Variants in USP34 observed in about 807,000 individuals in gnomAD.
USP34 encodes ubiquitin specific peptidase 34.
Under a neutral mutation model 460.3 loss-of-function variants are expected in USP34, and 70 were observed. The ratio of observed to expected loss-of-function variants is 0.15; its 90% CI spans 0.13 to 0.19. The LOEUF (loss-of-function observed/expected upper bound fraction) is 0.19, where lower values mean the gene tolerates loss of function less well. Ranked by LOEUF, USP34 falls within the 10% of genes least tolerant of loss-of-function variation. USP34 has a pLI of 1.00. For synonymous variants in USP34, 1,647 were observed against 1,405.3 expected (o/e 1.17, Z -3.85); for missense variants, 3,985 against 4,236.2 (o/e 0.94, Z 1.65).
chr2:61,242,659 T>C (rs1688302414), intron 51 of USP34, among the ~76,000 whole-genome samples: 1 of 152,062 alleles, frequency 6.6e-6, no homozygotes, highest in Non-Finnish European at 1.5e-5. Flanking sequence ...AATTTAGTGG[T>C]GGGGCTTCTG....
chr2:61,334,001 T>G (rs756027590), intron 18 of USP34, 30 bp from the exon 19 acceptor site: 8 of 1,461,040 alleles, frequency 5.5e-6, no homozygotes, highest in Non-Finnish European at 7.4e-6. Flanking sequence ...CACAAAATAA[T>G]TTTAGTAATT....
chr2:61,394,676 C>G (rs1366575234), intron 5 of USP34, among the ~76,000 whole-genome samples, 177 bp downstream of exon 5: 1 of 151,606 alleles, frequency 6.6e-6, no homozygotes, highest in Non-Finnish European at 1.5e-5. Context: ...TAATTTTATT[C>G]AAATTCTAAT....
chr2:61,408,115 AAAAAAAT>A (rs1693935025), intron 2 of USP34, among the ~76,000 whole-genome samples: 1 of 152,120 alleles, frequency 6.6e-6, no homozygotes, highest in African/African-American at 2.4e-5. Flanking sequence ...ATTCTGTCAC[AAAAAAAT>A]AAAAAATAAA....
chr2:61,455,039 G>C (rs559825696), intron 1 of USP34, among the ~76,000 whole-genome samples: 1 of 151,812 alleles, frequency 6.6e-6, no homozygotes, highest in African/African-American at 2.4e-5. Context: ...ACGCCACAAT[G>C]CTAAGCTAAT....
chr2:61,308,163 A>G (rs375065670), intron 27 of USP34, among the ~76,000 whole-genome samples: 2 of 152,308 alleles, frequency 1.3e-5, no homozygotes, highest in South Asian at 2.1e-4. Context: ...AATATGTGCT[A>G]AAAGAGAAAA....
chr2:61,224,073 A>G (rs1687664479), intron 62 of USP34, among the ~76,000 whole-genome samples: 1 of 152,220 alleles, frequency 6.6e-6, no homozygotes. Context: ...TGCCTAAATG[A>G]ATAATTCCGC....
rs1288138642 is a variant in USP34 at position 61,195,226 on chromosome 2, T to C, written c.9509-2246A>G. Among the ~76,000 whole-genome samples, 5 of 151,652 alleles carry C rather than the reference T, an allele frequency of 3.3e-5. No homozygotes were observed. In the East Asian group the frequency reaches 9.8e-4, roughly 30 times the overall value. ...CAGAGCAAACTCTCTCAAAAAGTTT[T>C]GTAGAAATGGGGTCTTGCCATGTTG... On this transcript the variant is annotated intron_variant, in intron 75 of 79. Coordinates refer to ENST00000398571, the MANE Select transcript of USP34 (RefSeq NM_014709.4).
At chr2:61,222,535 T>C (rs1204960708) in intron 65 of USP34, 84 bp downstream of exon 65, 34 of 1,098,014 alleles carry the variant, frequency 3.1e-5, no homozygotes. Flanking sequence ...ATAAATTTGT[T>C]CTCGAGAACA....
rs531160450 is a variant in USP34, at chr2:61,214,675, C to T, written c.8067G>A (p.Val2689=). Residue 2689 remains valine, a synonymous_variant, in exon 68 of 80, where the codon GTG becomes GTA. Coordinates refer to ENST00000398571, the MANE Select transcript of USP34 (RefSeq NM_014709.4). ...RVRTSAAYLL[V]SLIPSNSFRQ... is the part of the protein sequence containing the mutation. Reference sequence around the variant, plus strand: ...GGAATGAATTGCTTGGTATAAGGGACACCAGAAGATAAGCTGCAGCTATAA... The same window carrying T: ...GGAATGAATTGCTTGGTATAAGGGATACCAGAAGATAAGCTGCAGCTATAA... 2 of 1,613,660 alleles carry T rather than the reference C, an allele frequency of 1.2e-6. No homozygotes were observed. Among genetic ancestry groups the T allele is most frequent in the Non-Finnish European group, 1.7e-6 (2 of 1,179,856 alleles).
chr2:61,439,188 G>C (rs1182769397), intron 1 of USP34, among the ~76,000 whole-genome samples: 1 of 152,194 alleles, frequency 6.6e-6, no homozygotes, highest in East Asian at 1.9e-4. Flanking sequence ...GAGTTGGGAC[G>C]ATTACTTGAG....
chr2:61,419,283 A>C (rs1281507161), intron 2 of USP34, among the ~76,000 whole-genome samples: 3 of 151,704 alleles, frequency 2.0e-5, no homozygotes, highest in Non-Finnish European at 2.9e-5. Flanking sequence ...GCCTCTCAAA[A>C]GTGAGAGGCA....
chr2:61,187,567 A>T lies in USP34; in HGVS notation c.*535T>A. ...ATTATTTTTACATCAAGTGTGCTTT[A>T]TTTCCTCCACAGGTATTCTGTTAAA... is the stretch of plus-strand genomic sequence containing the variant. On this transcript the variant is annotated 3_prime_UTR_variant, in exon 80 of 80. Coordinates refer to ENST00000398571, the MANE Select transcript of USP34 (RefSeq NM_014709.4). The T allele has an allele frequency of 1.0e-6, 1 of 956,888 alleles. No homozygotes were observed. The highest frequency in any genetic ancestry group is 1.2e-6 in the Non-Finnish European group (1 of 803,528). 59.3% of individuals were successfully genotyped at this position (956,888 alleles called of 1,614,324 possible).
intron 41 of USP34, among the ~76,000 whole-genome samples, chr2:61,267,682 C>T (rs6709746): frequency 0.03 from 4,601 of 152,124 alleles, 239 homozygotes; most frequent in African/African-American, 0.11. Flanking sequence ...GGCGCCATCT[C>T]GGCTCACCCC....
Position 61,301,006 on chromosome 2 carries a change from T to C in USP34, c.4073A>G (p.Glu1358Gly). The part of the protein sequence containing the change: ...PHLTTLFDLL[E>G]MLASFKPPSG... Reference sequence around the variant, plus strand: ...GGGTGGTTTAAATGATGCAAGCATCTCTAATAAATCAAAAAGAGTAGTTAA... The same window carrying C: ...GGGTGGTTTAAATGATGCAAGCATCCCTAATAAATCAAAAAGAGTAGTTAA... Residue 1358 changes from glutamate (E) to glycine (G), a missense_variant, in exon 29 of 80, where the codon GAG becomes GGG. Physicochemically the swap from Glu to Gly is moderately conservative, Grantham distance 98. Around this residue, in one of 14 missense-constraint regions of USP34, gnomAD observed 1,114 missense variants for 1,122.5 expected, o/e 0.99. Coordinates refer to ENST00000398571, the MANE Select transcript of USP34 (RefSeq NM_014709.4). 4 of 1,613,968 alleles carry C rather than the reference T, an allele frequency of 2.5e-6. No individual in the cohort carries two copies. The highest frequency in any genetic ancestry group is 3.4e-6 in the Non-Finnish European group (4 of 1,179,978).
chr2:61,437,813 AT>A (rs1694859243), intron 1 of USP34, among the ~76,000 whole-genome samples: 1 of 150,794 alleles, frequency 6.6e-6, no homozygotes, highest in Admixed American at 6.6e-5. Flanking sequence ...AAATAAATAA[AT>A]AAAAAACCTG....
At chr2:61,188,752 T>C (rs747457588) in intron 79 of USP34, 43 bp from the exon 80 acceptor site, 2 of 1,596,354 alleles carry the variant, frequency 1.3e-6, no homozygotes, top group South Asian at 1.1e-5. Flanking sequence ...CTGAAAGTCA[T>C]TAAGATCACG....
rs756042595 is a variant in USP34, at chr2:61,333,873, T to G, written c.2834+9A>C. The G allele has an allele frequency of 6.7e-7, 1 of 1,487,308 alleles. No homozygotes were observed. The highest frequency in any genetic ancestry group is 1.4e-5 in the South Asian group (1 of 70,448). The allele number at this position is 1,487,308 out of a possible 1,614,324, so 92.1% of individuals were successfully genotyped here. Reference sequence around the variant, plus strand: ...TTAAAATAAATACTTTTTTCTTTTATTTACTTACATTGTTATCCAGTGTGT... The same window carrying G: ...TTAAAATAAATACTTTTTTCTTTTAGTTACTTACATTGTTATCCAGTGTGT... On this transcript the variant is annotated intron_variant, in intron 19 of 79. Transcript: ENST00000398571.
chr2:61,259,259 AAAAT>A (rs573710906), intron 44 of USP34, among the ~76,000 whole-genome samples: 4 of 152,020 alleles, frequency 2.6e-5, no homozygotes, highest in East Asian at 3.9e-4. Context: ...ACTCTGTCTC[AAAAT>A]AAATAAATAA....
At chr2:61,235,526 A>G (rs1462460504) in intron 57 of USP34, among the ~76,000 whole-genome samples, 4 of 151,800 alleles carry the variant, frequency 2.6e-5, no homozygotes, top group Admixed American at 6.6e-5. Context: ...GTGTTTCACC[A>G]CGTTGGCCAG....
Sources: gnomAD v4.1 joint callset for allele counts (sites outside exome capture counted in the v4.1 genomes callset) on GRCh38, gnomAD v4.1.1 for gene constraint, gnomAD v4.1.1 regional missense constraint, MANE v1.5 for transcripts, NCBI Gene and HGNC (gene_info 2026-07-23, HGNC 2026-07-21) for gene names.